RBFOX1: variants seen among roughly 807,000 people sequenced by gnomAD.
The protein encoded by RBFOX1 is RNA binding fox-1 homolog 1.
In RBFOX1, 8 loss-of-function variants were observed where a neutral mutation model predicts 57.7. The ratio of observed to expected loss-of-function variants is 0.14; its 90% CI spans 0.08 to 0.25. The LOEUF is 0.25. Ranked by LOEUF, RBFOX1 falls within the 10% of genes least tolerant of loss-of-function variation. The probability of loss-of-function intolerance (pLI) is 1.00; values close to 1 mark genes in which losing one functional copy is unlikely to be tolerated. For missense variants in RBFOX1, 611 were observed against 548.5 expected, an observed-to-expected ratio of 1.11 and a Z score of -1.14; for synonymous variants, 326 against 222.4, an observed-to-expected ratio of 1.47 and a Z score of -4.15.
rs138694453 is a variant in RBFOX1 at position 6,689,469 on chromosome 16, T to G, written c.-16+34819T>G. ...ATTTCTTCTCATGTGTTTTAAATAC[T>G]CATCTTCTAAGGCTGAGTAAGTGTA... On this transcript the variant is annotated intron_variant, in intron 3 of 15. Transcript: ENST00000550418. Among the ~76,000 whole-genome samples, 1,211 of 152,320 alleles carry G rather than the reference T, an allele frequency of 8.0e-3. 10 individuals carry two copies. The highest frequency in any genetic ancestry group is 0.031 in the Middle Eastern group (9 of 292).
At chr16:7,536,362 G>A (rs561835323) in intron 5 of RBFOX1, among the ~76,000 whole-genome samples, 21 of 152,356 alleles carry the variant, frequency 1.4e-4, no homozygotes, top group East Asian at 5.8e-4. Context: ...GGGAGGCCAA[G>A]GTGGGTGGAT....
At chr16:5,436,132 C>G (rs952490605) in intron 1 of RBFOX1, among the ~76,000 whole-genome samples, 2 of 152,188 alleles carry the variant, frequency 1.3e-5, no homozygotes, top group Non-Finnish European at 1.5e-5. Flanking sequence ...CATTATGGCA[C>G]AAGGAGACAC....
intron 4 of RBFOX1, among the ~76,000 whole-genome samples, chr16:7,179,321 C>T (rs1342276849): frequency 6.6e-6 from 1 of 151,882 alleles, no homozygotes; most frequent in Non-Finnish European, 1.5e-5. Flanking sequence ...CAAACATTCT[C>T]AAAGCACCGC....
chr16:6,685,185 A>T (rs2059239154), intron 3 of RBFOX1, among the ~76,000 whole-genome samples: 1 of 152,090 alleles, frequency 6.6e-6, no homozygotes, highest in African/African-American at 2.4e-5. Context: ...TGTACTTACT[A>T]ACCAAAAATA....
chr16:6,898,162 G>A (rs1199462240), intron 3 of RBFOX1, among the ~76,000 whole-genome samples: 1 of 152,164 alleles, frequency 6.6e-6, no homozygotes, highest in Non-Finnish European at 1.5e-5. Flanking sequence ...TCATAATTGA[G>A]GTCGTAGCCA....
intron 4 of RBFOX1, among the ~76,000 whole-genome samples, chr16:7,146,448 G>A (rs955072711): frequency 2.0e-5 from 3 of 152,150 alleles, no homozygotes; most frequent in African/African-American, 7.2e-5. Context: ...CCCCACTGAG[G>A]CTGGCTTTCT....
chr16:7,704,419 GT>G (rs2148347530), intron 14 of RBFOX1, among the ~76,000 whole-genome samples: 1 of 152,276 alleles, frequency 6.6e-6, no homozygotes, highest in East Asian at 1.9e-4. Flanking sequence ...TCCCCAGAAA[GT>G]TTTCTTCTGT....
At chr16:6,853,157 G>A (rs2094160722) in intron 3 of RBFOX1, among the ~76,000 whole-genome samples, 1 of 152,138 alleles carries the variant, frequency 6.6e-6, no homozygotes. Flanking sequence ...ACTTCTCTGA[G>A]CCTGAGTTTC....
At position 6,466,487 on chromosome 16, in the gene RBFOX1, C is replaced by T. The variant is rs549939708; in HGVS notation, c.-64+149430C>T. Among the ~76,000 whole-genome samples, 105 of 152,226 alleles carry T rather than the reference C, an allele frequency of 6.9e-4. 1 individual carries two copies. Among genetic ancestry groups the T allele is most frequent in the African/African-American group, 2.4e-3 (98 of 41,556 alleles). ...TCAGGAGGATTTAAATAACTTGCCACGTTTCTTGAAACTTCCCAGAGCCAG... is the reference window on the plus strand; with the variant it reads ...TCAGGAGGATTTAAATAACTTGCCATGTTTCTTGAAACTTCCCAGAGCCAG... On this transcript the variant is annotated intron_variant, in intron 2 of 15. Transcript: ENST00000550418.
chr16:6,039,349 A>G (rs918022267), intron 1 of RBFOX1, among the ~76,000 whole-genome samples: 43 of 53,808 alleles, frequency 8.0e-4, no homozygotes, highest in African/African-American at 2.3e-3. Context: ...GCTTTCTGGA[A>G]AAAAAAAAAA....
At chr16:5,799,107 A>C (rs535877460) in intron 3 of RBFOX1, among the ~76,000 whole-genome samples, 15 of 152,270 alleles carry the variant, frequency 9.9e-5, no homozygotes, top group Non-Finnish European at 1.8e-4. Flanking sequence ...GAGGCCTCAC[A>C]ATCATGGTGG....
Position 6,614,807 on chromosome 16 carries a change from C to T in RBFOX1, c.-63-39796C>T, listed in dbSNP as rs148349803. On this transcript the variant is annotated intron_variant, in intron 2 of 15. Transcript: ENST00000550418. ...TTATGAGGACATCAGTCATATTGAC[C>T]TAGGGACTCACCCTACTCCAGGGTT... Among the ~76,000 whole-genome samples the T allele has an allele frequency of 3.8e-3, 574 of 152,254 alleles. 2 individuals carry two copies. Among genetic ancestry groups the T allele is most frequent in the African/African-American group, 0.013 (520 of 41,544 alleles).
chr16:6,746,317 G>GA (rs2073627379), intron 3 of RBFOX1, among the ~76,000 whole-genome samples: 5 of 151,854 alleles, frequency 3.3e-5, no homozygotes, highest in Admixed American at 2.0e-4. Flanking sequence ...AAATATCTTT[G>GA]AAAAAAACAA....
At chr16:6,871,791 C>T (rs1451865038) in intron 3 of RBFOX1, among the ~76,000 whole-genome samples, 1 of 152,104 alleles carries the variant, frequency 6.6e-6, no homozygotes, top group Admixed American at 6.6e-5. Flanking sequence ...ATTTTAGGAT[C>T]AAGTCTGGAA....
At chr16:5,324,030 C>T (rs2151256821) in intron 1 of RBFOX1, among the ~76,000 whole-genome samples, 1 of 152,386 alleles carries the variant, frequency 6.6e-6, no homozygotes, top group Non-Finnish European at 1.5e-5. Context: ...AGATGGGCAT[C>T]ACATGAGTCT....
intron 1 of RBFOX1, among the ~76,000 whole-genome samples, chr16:5,388,504 C>T (rs1318850267): frequency 2.0e-5 from 3 of 152,108 alleles, no homozygotes; most frequent in Non-Finnish European, 4.4e-5. Context: ...TGCACACATA[C>T]TGTGAGCTGG....
rs181877323 is a variant in RBFOX1, at chr16:6,823,522, G to T, written c.-16+168872G>T. ...TCTGTATGCCTCAGTCTCCCAAAGT[G>T]CTGGTATTACAGGAGGGAGCCACTG... On this transcript the variant is annotated intron_variant, in intron 3 of 15. Transcript: ENST00000550418. Among the ~76,000 whole-genome samples the T allele has an allele frequency of 6.1e-4, 93 of 152,260 alleles. 1 individual carries two copies. The East Asian group carries it at 0.015, about 24-fold the overall frequency.
At chr16:6,801,321 G>T (rs1043629214) in intron 3 of RBFOX1, among the ~76,000 whole-genome samples, 9 of 152,036 alleles carry the variant, frequency 5.9e-5, no homozygotes, top group African/African-American at 2.2e-4. Flanking sequence ...AGTTGAGAGA[G>T]AACCATACAA....
chr16:7,488,806 C>A (rs1412664961), intron 4 of RBFOX1, among the ~76,000 whole-genome samples: 1 of 152,130 alleles, frequency 6.6e-6, no homozygotes, highest in Non-Finnish European at 1.5e-5. Flanking sequence ...ATACATTAAT[C>A]TATCCATCCA....
Sources: gnomAD v4.1 joint callset for allele counts (sites outside exome capture counted in the v4.1 genomes callset) on GRCh38, gnomAD v4.1.1 for gene constraint, MANE v1.5 for transcripts, NCBI Gene and HGNC (gene_info 2026-07-23, HGNC 2026-07-21) for gene names.